The following ZNF23 variants were observed in gnomAD, a reference collection of about 807,000 sequenced individuals.
ZNF23 encodes the protein zinc finger protein 23, also known as kruppel-like zinc finger factor X31.
In ZNF23, 48 loss-of-function variants were observed where a neutral mutation model predicts 56.2. The ratio of observed to expected loss-of-function variants is 0.85; its 90% CI spans 0.68 to 1.09. The LOEUF is 1.09. ZNF23 is among the 50% of genes least tolerant of loss of function. The pLI, the probability that ZNF23 is intolerant of heterozygous loss-of-function variation, is 0.00. For synonymous variants in ZNF23, 266 were observed against 283.3 expected, an observed-to-expected ratio of 0.94 and a Z score of 0.61; for missense variants, 805 against 811.4, an observed-to-expected ratio of 0.99 and a Z score of 0.10.
intron 4 of ZNF23, among the ~76,000 whole-genome samples, chr16:71,453,036 G>T (rs2043107521): frequency 6.6e-6 from 1 of 152,044 alleles, no homozygotes. Flanking sequence ...TGAAGGGTTT[G>T]AAAAAAGATC....
chr16:71,460,953 T>C (rs2043424536), intron 1 of ZNF23, among the ~76,000 whole-genome samples: 1 of 152,198 alleles, frequency 6.6e-6, no homozygotes, highest in African/African-American at 2.4e-5. Flanking sequence ...AATGGAACAT[T>C]ACCCAGAAGC....
At chr16:71,449,972 A>G in intron 4 of ZNF23, 87 bp from the exon 5 acceptor site, 3 of 1,108,232 alleles carry the variant, frequency 2.7e-6, no homozygotes, top group Middle Eastern at 5.8e-4. Context: ...CATAATAATC[A>G]GGGGGCTCCT....
chr16:71,448,496 C>T lies in ZNF23; in HGVS notation c.1658G>A (p.Gly553Glu), dbSNP rs1207934819. The stretch of plus-strand genomic sequence containing the variant: ...TTTGGCATTGATACTGAAGGCTTTC[C>T]CACATTCCTTACATTGATAGGGCTT... Reference protein sequence around the residue: ...GEKPYQCKECGKAFSINAKLT... With the variant: ...GEKPYQCKECEKAFSINAKLT... Residue 553 changes from glycine to glutamate, a missense_variant, in exon 5 of 5, where the codon GGG becomes GAG. Gly to Glu is a moderately conservative substitution (Grantham distance 98). Coordinates refer to ENST00000647773, the MANE Select transcript of ZNF23 (RefSeq NM_001381984.1). 6.2e-7 allele frequency: 1 copy of T among 1,614,052 alleles called. No individual in the cohort carries two copies. Among genetic ancestry groups the T allele is most frequent in the South Asian group, 1.1e-5 (1 of 91,082 alleles).
rs770413009 is a variant in ZNF23, at chr16:71,448,983, T to G, written c.1171A>C (p.Ser391Arg). The G allele has an allele frequency of 1.2e-6, 2 of 1,614,244 alleles. No individual in the cohort carries two copies. The highest frequency in any genetic ancestry group is 2.2e-5 in the South Asian group (2 of 91,084). Residue 391 changes from serine (S) to arginine (R), a missense_variant, in exon 5 of 5, where the codon AGC becomes CGC. Ser to Arg is a moderately radical substitution (Grantham distance 110). Coordinates refer to ENST00000647773, the MANE Select transcript of ZNF23 (RefSeq NM_001381984.1). ...CTCTGATGCTGCCTAAGCTGGGAGC[T>G]GCACCTGAAGCCTTTTCCACATTCA... ...CNECGKGFRCSSQLRQHQSIH... is the reference protein window; with the variant it reads ...CNECGKGFRCRSQLRQHQSIH...
At chr16:71,453,217 G>C in intron 4 of ZNF23, 26 bp downstream of exon 4, 2 of 1,544,240 alleles carry the variant, frequency 1.3e-6, no homozygotes, top group Non-Finnish European at 1.8e-6. Flanking sequence ...AATTCCAACA[G>C]AGTGGGAAAT....
intron 1 of ZNF23, 176 bp downstream of exon 1, chr16:71,462,034 T>A (rs1446465589): frequency 6.6e-6 from 1 of 152,112 alleles, no homozygotes; most frequent in Non-Finnish European, 1.5e-5. Flanking sequence ...AAAGCTGGAG[T>A]CGAGGAGCGC....
rs183407857 is a variant in ZNF23 at position 71,457,558 on chromosome 16, G to A, written c.-32-730C>T. ...AGCCTGGGCAACAGAGCAAGACTCC[G>A]TCTCAAAAAAAAAAAAATTAGCCAG... On this transcript the variant is annotated intron_variant, in intron 1 of 4. Coordinates refer to ENST00000647773, the MANE Select transcript of ZNF23 (RefSeq NM_001381984.1). 2.8e-3 allele frequency among the ~76,000 whole-genome samples: 414 copies of A among 149,860 alleles called. 1 individual carries two copies. The highest frequency in any genetic ancestry group is 3.1e-3 in the Non-Finnish European group (209 of 67,366).
Position 71,456,763 on chromosome 16 carries a change from C to A in ZNF23, c.33+1G>T, listed in dbSNP as rs1215232020. 3.0e-6 allele frequency: 3 copies of A among 985,918 alleles called. No individual in the cohort carries two copies. The African/African-American group carries it at 5.2e-5, about 17-fold the overall frequency. 61.1% of individuals were successfully genotyped at this position (985,918 alleles called of 1,614,324 possible). A position where few individuals can be genotyped will look rare whatever the true frequency, so the allele number is the denominator to read the frequency against. ...AAGAGCTGAAGGACCCCACAGCTCA[C>A]CTGGGGCCAGGCTGTCAGGTGCATG... On this transcript the variant is annotated splice_donor_variant, in intron 2 of 4. Coordinates refer to ENST00000647773, the MANE Select transcript of ZNF23 (RefSeq NM_001381984.1). LOFTEE classifies it high-confidence loss of function.
In ZNF23 at chr16:71,449,498, G is replaced by A. The variant is rs749311807; in HGVS notation, c.656C>T (p.Pro219Leu). The A allele has an allele frequency of 1.2e-6, 2 of 1,614,078 alleles. No homozygotes were observed. The highest frequency in any genetic ancestry group is 2.2e-5 in the South Asian group (2 of 91,072). ...AATAAGTTGAGAGTCACACCTAAAG[G>A]GCTCTACTAATTCTTCACATTTGAA... is the stretch of plus-strand genomic sequence containing the variant. ...RPFKCEELVE[P>L]FRCDSQLIQH... Residue 219 changes from proline to leucine, a missense_variant, in exon 5 of 5, where the codon CCC (proline) becomes CTC (leucine). Pro to Leu is a moderately conservative substitution (Grantham distance 98). Transcript: ENST00000647773.
chr16:71,447,845 G>C lies in ZNF23; in HGVS notation c.*248C>G. The C allele has an allele frequency of 3.2e-6, 1 of 317,170 alleles. No individual in the cohort carries two copies. Among genetic ancestry groups the C allele is most frequent in the Non-Finnish European group, 5.7e-6 (1 of 175,126 alleles). The allele number at this position is 317,170 out of a possible 1,614,324, so 19.6% of individuals were successfully genotyped here. A position where few individuals can be genotyped will look rare whatever the true frequency, so the allele number is the denominator to read the frequency against. On this transcript the variant is annotated 3_prime_UTR_variant, in exon 5 of 5. Coordinates refer to ENST00000647773, the MANE Select transcript of ZNF23 (RefSeq NM_001381984.1). ...TATTTCTAGAAAATCTACTTTTCTT[G>C]ATGCTGCTGGGAACGAAATCTTTTC...
At position 71,449,594 on chromosome 16, in the gene ZNF23, C is replaced by G. The variant is rs72795864; in HGVS notation, c.560G>C (p.Gly187Ala). 214,014 of 1,613,924 alleles carry G rather than the reference C, an allele frequency of 0.13. 15,671 individuals are homozygous for G. The highest frequency in any genetic ancestry group is 0.15 in the Non-Finnish European group (178,444 of 1,179,954). Residue 187 changes from glycine (G) to alanine (A), a missense_variant, in exon 5 of 5, where the codon GGA becomes GCA. Gly to Ala is a moderately conservative substitution (Grantham distance 60). Coordinates refer to ENST00000647773, the MANE Select transcript of ZNF23 (RefSeq NM_001381984.1). ...ATCAAAGCTGATGGATTTCCCCAAT[C>G]CTGTACACCCAGAGGGCTGCTCTCC... ...ITGEQPSGCTGLGKSISFDTK... is the reference protein window; with the variant it reads ...ITGEQPSGCTALGKSISFDTK...
chr16:71,457,514 G>A (rs2043280951), intron 1 of ZNF23, among the ~76,000 whole-genome samples: 1 of 151,984 alleles, frequency 6.6e-6, no homozygotes, highest in South Asian at 2.1e-4. Context: ...AGTGAGCCAA[G>A]ATTGCGCCAC....
chr16:71,453,226 A>T lies in ZNF23; in HGVS notation c.268+17T>A, dbSNP rs2043112573. On this transcript the variant is annotated intron_variant, in intron 4 of 4. Transcript: ENST00000647773. ...GTGCTAAATTCCAACAGAGTGGGAA[A>T]TATGTACCTCCCTTACCAGTCTGGA... is the stretch of plus-strand genomic sequence containing the variant. The T allele has an allele frequency of 6.3e-7, 1 of 1,582,178 alleles. No homozygotes were observed. Among genetic ancestry groups the T allele is most frequent in the South Asian group, 1.1e-5 (1 of 87,568 alleles).
At chr16:71,452,738 C>T (rs765346701) in intron 4 of ZNF23, 37 of 153,968 alleles carry the variant, frequency 2.4e-4, no homozygotes, top group South Asian at 4.1e-4. Flanking sequence ...CAAGATAGTA[C>T]TATTACCTCC....
At chr16:71,461,717 C>G (rs1217298349) in intron 1 of ZNF23, 1 of 152,200 alleles carries the variant, frequency 6.6e-6, no homozygotes, top group African/African-American at 2.4e-5. Context: ...GCTGCTTCTG[C>G]TGCCGGGTGA....
chr16:71,455,598 C>G (rs2043201932), intron 2 of ZNF23, among the ~76,000 whole-genome samples: 1 of 152,122 alleles, frequency 6.6e-6, no homozygotes, highest in African/African-American at 2.4e-5. Context: ...CTCAAGTGAT[C>G]CAACCACCTC....
chr16:71,453,174 G>A (rs570653133), intron 4 of ZNF23, 69 bp downstream of exon 4: 6 of 1,148,888 alleles, frequency 5.2e-6, no homozygotes, highest in Non-Finnish European at 6.4e-6. Flanking sequence ...ATGTTTATAT[G>A]TTGCTAAAGC....
chr16:71,458,076 G>T (rs1191319322), intron 1 of ZNF23, among the ~76,000 whole-genome samples: 2 of 152,142 alleles, frequency 1.3e-5, no homozygotes, highest in African/African-American at 4.8e-5. Flanking sequence ...GGACAGCACA[G>T]GCTGTCCTTA....
Position 71,448,178 on chromosome 16 carries a change from T to G in ZNF23, c.1976A>C (p.Tyr659Ser). The G allele has an allele frequency of 6.2e-7, 1 of 1,614,234 alleles. No homozygotes were observed. The highest frequency in any genetic ancestry group is 1.1e-5 in the South Asian group (1 of 91,092). Residue 659 changes from tyrosine (Y) to serine (S), a missense_variant, in exon 5 of 5, where the codon TAT becomes TCT. By Grantham distance (144) the Tyr-to-Ser change is moderately radical. Coordinates refer to ENST00000647773, the MANE Select transcript of ZNF23 (RefSeq NM_001381984.1). The part of the protein sequence containing the change: ...HQTVHTWKKP[Y>S]MCSVCGKAFR... ...TGCTTTCCCACACACACTACACATA[T>G]AGGGTTTCTTCCAAGTGTGGACTGT... is the stretch of plus-strand genomic sequence containing the variant.
Sources: allele counts gnomAD v4.1 joint callset (sites outside exome capture counted in the v4.1 genomes callset), GRCh38; gene constraint gnomAD v4.1.1; transcripts MANE v1.5; gene names NCBI Gene and HGNC (gene_info 2026-07-23, HGNC 2026-07-21).